The following PEPD variants were observed in gnomAD, a reference collection of about 807,000 sequenced individuals.
PEPD encodes the protein xaa-Pro dipeptidase.
A neutral mutation model predicts 60.7 loss-of-function variants in PEPD; 53 were observed. The ratio of observed to expected loss-of-function variants is 0.87; its 90% CI spans 0.70 to 1.10. The LOEUF is 1.10. PEPD is among the 50% of genes least tolerant of loss of function. PEPD has a pLI of 0.00. For synonymous variants in PEPD, 267 were observed against 284.1 expected, an observed-to-expected ratio of 0.94 and a Z score of 0.60; for missense variants, 711 against 711.9, an observed-to-expected ratio of 1.00 and a Z score of 0.01.
At chr19:33,508,630 G>A (rs114454468) in intron 3 of PEPD, among the ~76,000 whole-genome samples, 2,097 of 152,260 alleles carry the variant, frequency 0.014, 54 homozygotes, top group African/African-American at 0.047. Flanking sequence ...CCTATGGGGA[G>A]TCTGCGCTTC....
chr19:33,440,545 C>T (rs1250203675), intron 9 of PEPD, among the ~76,000 whole-genome samples: 2 of 152,062 alleles, frequency 1.3e-5, no homozygotes, highest in African/African-American at 4.8e-5. Flanking sequence ...CTCCTCTGCC[C>T]GAGTCTCCTG....
At chr19:33,442,643 A>G (rs1021868538) in intron 9 of PEPD, among the ~76,000 whole-genome samples, 1 of 152,006 alleles carries the variant, frequency 6.6e-6, no homozygotes, top group African/African-American at 2.4e-5. Flanking sequence ...TGGGATGCAG[A>G]GGTTGCAGTG....
chr19:33,408,670 G>C (rs1568456187), intron 11 of PEPD, among the ~76,000 whole-genome samples: 1 of 152,146 alleles, frequency 6.6e-6, no homozygotes. Context: ...CCAGTCAAAG[G>C]ACTAAAACCC....
chr19:33,510,994 G>C, intron 3 of PEPD, 34 bp downstream of exon 3: 2 of 1,604,538 alleles, frequency 1.2e-6, no homozygotes. Flanking sequence ...CCCATGGTTG[G>C]TAGCCATGGT....
chr19:33,501,709 T>C (rs1970717856), intron 3 of PEPD, among the ~76,000 whole-genome samples: 1 of 151,848 alleles, frequency 6.6e-6, no homozygotes, highest in Non-Finnish European at 1.5e-5. Flanking sequence ...TACTATTTTA[T>C]TTTATGTTCT....
At chr19:33,397,255 C>G (rs1443158348) in intron 12 of PEPD, among the ~76,000 whole-genome samples, 1 of 152,202 alleles carries the variant, frequency 6.6e-6, no homozygotes, top group Non-Finnish European at 1.5e-5. Flanking sequence ...TCCTCAACCC[C>G]CCAGGGTCCT....
intron 9 of PEPD, among the ~76,000 whole-genome samples, chr19:33,419,925 C>T (rs61627965): frequency 0.12 from 18,110 of 152,230 alleles, 1,263 homozygotes; most frequent in East Asian, 0.24. Flanking sequence ...GCAAGGGCAG[C>T]GGCCAAGACA....
intron 4 of PEPD, among the ~76,000 whole-genome samples, chr19:33,494,184 A>T (rs1970553178): frequency 6.6e-6 from 1 of 152,078 alleles, no homozygotes; most frequent in Non-Finnish European, 1.5e-5. Context: ...TGGCTACTGC[A>T]GACCCTCTTG....
At chr19:33,395,838 A>G (rs916544965) in intron 12 of PEPD, among the ~76,000 whole-genome samples, 1 of 152,216 alleles carries the variant, frequency 6.6e-6, no homozygotes, top group Non-Finnish European at 1.5e-5. Context: ...GTAGGACAGC[A>G]GGCTCCGGCC....
intron 6 of PEPD, among the ~76,000 whole-genome samples, chr19:33,483,137 A>C (rs1266032950): frequency 2.0e-5 from 3 of 152,258 alleles, no homozygotes; most frequent in Non-Finnish European, 4.4e-5. Flanking sequence ...GAAAATAACA[A>C]TATGAAATAT....
chr19:33,497,492 G>A (rs1970630045), intron 4 of PEPD, among the ~76,000 whole-genome samples: 2 of 152,264 alleles, frequency 1.3e-5, no homozygotes, highest in African/African-American at 4.8e-5. Flanking sequence ...AGGATCCTCT[G>A]TGGGGAGGAG....
intron 6 of PEPD, among the ~76,000 whole-genome samples, chr19:33,481,427 G>A (rs769905359): frequency 1.3e-5 from 2 of 151,984 alleles, no homozygotes; most frequent in African/African-American, 2.4e-5. Flanking sequence ...TTAGCCGGGC[G>A]TGGTGGCTTG....
chr19:33,483,300 A>G (rs1027344314), intron 6 of PEPD, among the ~76,000 whole-genome samples: 1 of 152,228 alleles, frequency 6.6e-6, no homozygotes, highest in East Asian at 1.9e-4. Flanking sequence ...AAGGAACCAT[A>G]TAAGAAAAAT....
At chr19:33,426,100 G>C (rs1228032887) in intron 9 of PEPD, among the ~76,000 whole-genome samples, 2 of 152,208 alleles carry the variant, frequency 1.3e-5, no homozygotes. Context: ...GATTACAGGT[G>C]TGAGCCACTG....
At chr19:33,420,191 T>C (rs145574055) in intron 9 of PEPD, among the ~76,000 whole-genome samples, 1,163 of 48,910 alleles carry the variant, frequency 0.024, 40 homozygotes, top group Admixed American at 0.2. Flanking sequence ...AAACATTCTA[T>C]CTCCTTCTCC....
intron 9 of PEPD, among the ~76,000 whole-genome samples, chr19:33,431,949 C>A (rs1185736267): frequency 7.2e-6 from 1 of 139,162 alleles, no homozygotes; most frequent in East Asian, 2.2e-4. Flanking sequence ...GCTGAGATGG[C>A]GACACTGCAC....
intron 1 of PEPD, among the ~76,000 whole-genome samples, chr19:33,518,652 G>A (rs1309292414): frequency 6.6e-6 from 1 of 152,140 alleles, no homozygotes; most frequent in East Asian, 1.9e-4. Flanking sequence ...AAAGCAGGAT[G>A]GGATGCTGGA....
rs144944440 is a variant in PEPD, at chr19:33,387,384, C to A, written c.1442G>T (p.Gly481Val). 236 of 1,614,088 alleles carry A rather than the reference C, an allele frequency of 1.5e-4. No homozygotes were observed. The African/African-American group carries it at 2.9e-3, about 20-fold the overall frequency. Residue 481 changes from glycine (G) to valine (V), a missense_variant, in exon 15 of 15, where the codon GGC (glycine) becomes GTC (valine). By Grantham distance (109) the Gly-to-Val change is moderately radical (BLOSUM62 -3). Coordinates refer to ENST00000244137, the MANE Select transcript of PEPD (RefSeq NM_000285.4). ...GAAGGGGGTAAAGGCCTTGTCACAGCCTGCCATGCATGCTTCAATCTCTTC... is the reference window on the plus strand; with the variant it reads ...GAAGGGGGTAAAGGCCTTGTCACAGACTGCCATGCATGCTTCAATCTCTTC... ...TVEEIEACMA[G>V]CDKAFTPFSG...
intron 9 of PEPD, among the ~76,000 whole-genome samples, chr19:33,458,395 A>G (rs2145263148): frequency 6.9e-6 from 1 of 145,808 alleles, no homozygotes; most frequent in South Asian, 2.2e-4. Flanking sequence ...CAAGTGATGT[A>G]TGGTGTGTGT....
Sources: gnomAD v4.1 joint callset for allele counts (sites outside exome capture counted in the v4.1 genomes callset) on GRCh38, gnomAD v4.1.1 for gene constraint, MANE v1.5 for transcripts, NCBI Gene and HGNC (gene_info 2026-07-23, HGNC 2026-07-21) for gene names.